SEMA5A: variants seen among roughly 807,000 people sequenced by gnomAD.
The protein encoded by SEMA5A is semaphorin-5A.
Under a neutral mutation model 135.5 loss-of-function variants are expected in SEMA5A, and 55 were observed. The ratio of observed to expected loss-of-function variants is 0.41; its 90% confidence interval spans 0.33 to 0.51. SEMA5A has a LOEUF of 0.51. SEMA5A is among the 20% of genes least tolerant of loss of function. SEMA5A has a pLI of 0.37. For synonymous variants in SEMA5A, 580 were observed against 546.5 expected, an observed-to-expected ratio of 1.06 and a Z score of -0.85; for missense variants, 1,290 against 1,419.9, an observed-to-expected ratio of 0.91 and a Z score of 1.47.
chr5:9,370,809 G>A (rs1254837536), intron 3 of SEMA5A, among the ~76,000 whole-genome samples: 2 of 152,080 alleles, frequency 1.3e-5, no homozygotes, highest in African/African-American at 2.4e-5. Flanking sequence ...AGAGAAGAAA[G>A]GAGGACATAA....
chr5:9,137,854 A>G (rs1157264217), intron 12 of SEMA5A, among the ~76,000 whole-genome samples: 1 of 152,190 alleles, frequency 6.6e-6, no homozygotes, highest in African/African-American at 2.4e-5. Flanking sequence ...GCAGTTTTCT[A>G]AGAATGTGAC....
chr5:9,100,968 A>T (rs1396520651), intron 16 of SEMA5A, among the ~76,000 whole-genome samples: 1 of 152,166 alleles, frequency 6.6e-6, no homozygotes, highest in African/African-American at 2.4e-5. Context: ...GTGAAAAAAA[A>T]GGAGAAAGAT....
intron 18 of SEMA5A, among the ~76,000 whole-genome samples, chr5:9,060,712 G>A (rs766755683): frequency 6.6e-6 from 1 of 152,064 alleles, no homozygotes; most frequent in Non-Finnish European, 1.5e-5. Context: ...GCTGATAAGA[G>A]CAGAAACATT....
At chr5:9,185,910 T>A (rs965297868) in intron 11 of SEMA5A, among the ~76,000 whole-genome samples, 1 of 152,064 alleles carries the variant, frequency 6.6e-6, no homozygotes, top group Non-Finnish European at 1.5e-5. Context: ...GGACCAGGAG[T>A]GCATGTGGGA....
At chr5:9,122,935 T>G in intron 13 of SEMA5A, 98 bp from the exon 14 acceptor site, 1 of 1,125,340 alleles carries the variant, frequency 8.9e-7, no homozygotes, top group Non-Finnish European at 1.2e-6. Flanking sequence ...TCAAAACTCC[T>G]CTAGAATTTG....
intron 1 of SEMA5A, among the ~76,000 whole-genome samples, chr5:9,464,420 G>A (rs919383270): frequency 6.6e-6 from 1 of 152,194 alleles, no homozygotes; most frequent in Non-Finnish European, 1.5e-5. Context: ...TTAAGAAGAT[G>A]TTAATAGTGC....
At chr5:9,373,034 A>C (rs1410555982) in intron 3 of SEMA5A, among the ~76,000 whole-genome samples, 1 of 152,178 alleles carries the variant, frequency 6.6e-6, no homozygotes, top group Non-Finnish European at 1.5e-5. Context: ...TGATGACAAC[A>C]TGTAATATGC....
intron 16 of SEMA5A, among the ~76,000 whole-genome samples, chr5:9,102,127 A>AAAGGGAACTAACGATTACAAAC (rs1398180666): frequency 1.3e-5 from 2 of 152,236 alleles, no homozygotes. Context: ...ATATGAATAC[A>AAAGGGAACTAACGATTACAAAC]AAGGGAACTA....
chr5:9,478,166 G>T (rs773241286), intron 1 of SEMA5A, among the ~76,000 whole-genome samples: 5 of 152,240 alleles, frequency 3.3e-5, no homozygotes, highest in Admixed American at 6.5e-5. Flanking sequence ...CAGAAAACAA[G>T]AGTTGAGCTT....
intron 5 of SEMA5A, among the ~76,000 whole-genome samples, chr5:9,311,632 T>C (rs1198786441): frequency 2.7e-5 from 4 of 150,660 alleles, no homozygotes; most frequent in African/African-American, 4.9e-5. Flanking sequence ...TTAGGAGATA[T>C]ACCTAAAGCT....
intron 1 of SEMA5A, chr5:9,522,707 C>G (rs1196259057): frequency 6.6e-6 from 1 of 152,188 alleles, no homozygotes; most frequent in Non-Finnish European, 1.5e-5. Flanking sequence ...TTGAGGCCCA[C>G]CATAACTATG....
At chr5:9,322,375 G>C (rs1752667644) in intron 4 of SEMA5A, among the ~76,000 whole-genome samples, 1 of 151,980 alleles carries the variant, frequency 6.6e-6, no homozygotes, top group African/African-American at 2.4e-5. Context: ...GGAAAGGAAG[G>C]GGCAAAGAGG....
At chr5:9,241,828 T>G (rs1748214237) in intron 5 of SEMA5A, among the ~76,000 whole-genome samples, 1 of 152,140 alleles carries the variant, frequency 6.6e-6, no homozygotes, top group African/African-American at 2.4e-5. Context: ...AACAAAGCTG[T>G]GTATTATCAC....
chr5:9,277,324 G>A (rs186821622), intron 5 of SEMA5A, among the ~76,000 whole-genome samples: 56 of 152,302 alleles, frequency 3.7e-4, no homozygotes, highest in African/African-American at 1.3e-3. Flanking sequence ...AACAGATGCT[G>A]GAGAGGATGT....
intron 13 of SEMA5A, 74 bp from the exon 14 acceptor site, chr5:9,122,911 C>T (rs1253601948): frequency 9.9e-6 from 13 of 1,318,448 alleles, no homozygotes; most frequent in Non-Finnish European, 1.3e-5. Flanking sequence ...AATTAAAAAT[C>T]CCTCATAAGA....
At chr5:9,146,141 G>T (rs1309666669) in intron 12 of SEMA5A, among the ~76,000 whole-genome samples, 1 of 152,062 alleles carries the variant, frequency 6.6e-6, no homozygotes, top group African/African-American at 2.4e-5. Context: ...CCAGGGTCTG[G>T]GGGTGTTACC....
intron 2 of SEMA5A, among the ~76,000 whole-genome samples, chr5:9,422,973 A>G (rs945538022): frequency 6.6e-6 from 1 of 152,244 alleles, no homozygotes; most frequent in Non-Finnish European, 1.5e-5. Context: ...TGGGTCTAAC[A>G]GACTGCTTGC....
At chr5:9,290,669 G>A (rs375079718) in intron 5 of SEMA5A, among the ~76,000 whole-genome samples, 131 of 152,160 alleles carry the variant, frequency 8.6e-4, no homozygotes, top group South Asian at 1.7e-3. Context: ...AGATGATAGC[G>A]CTAGATATAC....
chr5:9,154,608 C>T lies in SEMA5A; in HGVS notation c.1361G>A (p.Arg454Lys), dbSNP rs1255567319. 6 of 1,614,122 alleles carry T rather than the reference C, an allele frequency of 3.7e-6. No individual in the cohort carries two copies. The highest frequency in any genetic ancestry group is 4.2e-6 in the Non-Finnish European group (5 of 1,180,034). ...LLEEIELFPERRREPIRSLQI... is the reference protein window; with the variant it reads ...LLEEIELFPEKRREPIRSLQI... ...CAGGCTCCTGATGGGCTCCCTCCGC[C>T]TCTCAGGGAAGAGCTCAATCTCTTC... Residue 454 changes from arginine to lysine, a missense_variant, in exon 12 of 23, where the codon AGG (arginine) becomes AAG (lysine). Around this residue, in one of 3 missense-constraint regions of SEMA5A, gnomAD observed 1,029 missense variants for 1,086.6 expected, o/e 0.95. Transcript: ENST00000382496.
Sources: allele counts gnomAD v4.1 joint callset (sites outside exome capture counted in the v4.1 genomes callset), GRCh38; gene constraint gnomAD v4.1.1; regional missense constraint gnomAD v4.1.1; transcripts MANE v1.5; gene names NCBI Gene and HGNC (gene_info 2026-07-23, HGNC 2026-07-21).